The following TSKU variants were observed in gnomAD, a reference collection of about 807,000 sequenced individuals.
The protein encoded by TSKU is tsukushi, small leucine rich proteoglycan.
In TSKU, 4 loss-of-function variants were observed where a neutral mutation model predicts 11.2. That is an observed-to-expected ratio of 0.36 (90% CI 0.18 to 0.82). The LOEUF (loss-of-function observed/expected upper bound fraction) is 0.82, where lower values mean the gene tolerates loss of function less well. Among genes scored for constraint, TSKU ranks in the 40% least tolerant of loss-of-function variants. The probability of loss-of-function intolerance (pLI) is 0.50; values close to 1 mark genes in which losing one functional copy is unlikely to be tolerated. For synonymous variants in TSKU, 220 were observed against 232.2 expected (o/e 0.95, Z 0.48); for missense variants, 407 against 482.5 (o/e 0.84, Z 1.47).
In TSKU at chr11:76,794,013, C is replaced by T. The variant is rs577507131; in HGVS notation, c.-8-1596C>T. Among the ~76,000 whole-genome samples, 15 of 152,272 alleles carry T rather than the reference C, an allele frequency of 9.9e-5. No individual in the cohort carries two copies. The South Asian group carries it at 2.9e-3, about 29-fold the overall frequency. ...GGCCCATCTCCTCCCCCTCTCTCAC[C>T]TCCTTCCTGAAGTCCAGAGGGAGGG... is the stretch of plus-strand genomic sequence containing the variant. On this transcript the variant is annotated intron_variant, in intron 1 of 1. Coordinates refer to ENST00000333090, the MANE Select transcript of TSKU (RefSeq NM_015516.4).
At chr11:76,786,805 C>T (rs181647404) in intron 1 of TSKU, among the ~76,000 whole-genome samples, 114 of 152,312 alleles carry the variant, frequency 7.5e-4, no homozygotes, top group Non-Finnish European at 1.3e-3. Flanking sequence ...CTTTCCAGCT[C>T]ACCCTTCCCA....
chr11:76,782,844 A>C (rs1357066698), upstream of TSKU: 2 of 151,844 alleles, frequency 1.3e-5, no homozygotes, highest in Non-Finnish European at 2.9e-5. Context: ...GTAGTCCCTG[A>C]ACCTCTTTCA....
chr11:76,790,366 C>T (rs905214188), intron 1 of TSKU, among the ~76,000 whole-genome samples: 2 of 152,202 alleles, frequency 1.3e-5, no homozygotes, highest in Admixed American at 6.5e-5. Context: ...GTGACTGTGT[C>T]TCAGGGGGCT....
rs970965316 is a variant in TSKU, at chr11:76,797,154, A to C, written c.*476A>C. 1 of 168,758 alleles carries C rather than the reference A, an allele frequency of 5.9e-6. No individual in the cohort carries two copies. The highest frequency in any genetic ancestry group is 1.9e-4 in the East Asian group (1 of 5,238). The allele number at this position is 168,758 out of a possible 1,614,324, so 10.5% of individuals were successfully genotyped here. A position where few individuals can be genotyped will look rare whatever the true frequency, so the allele number is the denominator to read the frequency against. On this transcript the variant is annotated 3_prime_UTR_variant, in exon 2 of 2. Transcript: ENST00000333090. ...GCCATGAGGCCATGAGGCCCGCTTC[A>C]TCCTTTTCTATTTCCCTAGAACCTT...
intron 1 of TSKU, among the ~76,000 whole-genome samples, chr11:76,789,117 C>G (rs1297382804): frequency 6.6e-6 from 1 of 152,220 alleles, no homozygotes; most frequent in Non-Finnish European, 1.5e-5. Context: ...CTCTCTGGGC[C>G]CCAGTTGCCC....
upstream of TSKU, chr11:76,783,271 C>G (rs1944259598): frequency 6.7e-6 from 1 of 150,326 alleles, no homozygotes; most frequent in Non-Finnish European, 1.5e-5. Context: ...ACCCGGCGCC[C>G]GGCAGGGGGG....
rs112413166 is a variant in TSKU at position 76,796,368 on chromosome 11, G to A, written c.752G>A (p.Arg251His). Residue 251 changes from arginine to histidine, a missense_variant, in exon 2 of 2, where the codon CGT becomes CAT. Arg to His is a conservative substitution (Grantham distance 29). Transcript: ENST00000333090. The surrounding 1 kb of genome is among the most constrained non-coding windows in gnomAD (Gnocchi z 4.1). ...CCTGAGCTGGCGCCCAGTGGCTTCC[G>A]TGAGCTACCGGGCCTGCAGGTCCTG... The part of the protein sequence containing the change: ...RLPELAPSGF[R>H]ELPGLQVLDL... The A allele has an allele frequency of 6.5e-4, 1,047 of 1,613,290 alleles. 3 individuals are homozygous for A. The highest frequency in any genetic ancestry group is 1.5e-3 in the Middle Eastern group (9 of 6,062).
rs1193369783 is a variant in TSKU, at chr11:76,783,367, G to A, written c.-46G>A. On this transcript the variant is annotated 5_prime_UTR_variant, in exon 1 of 2. Transcript: ENST00000333090. Reference sequence around the variant, plus strand: ...GGAGGGCCCGCGGCCGGGCCGCCGGGGTGAGCGTGCCGAGGCGGCTGTGGC... The same window carrying A: ...GGAGGGCCCGCGGCCGGGCCGCCGGAGTGAGCGTGCCGAGGCGGCTGTGGC... 1 of 151,698 alleles carries A rather than the reference G, an allele frequency of 6.6e-6. No individual in the cohort carries two copies. The highest frequency in any genetic ancestry group is 1.5e-5 in the Non-Finnish European group (1 of 67,888). The allele number at this position is 151,698 out of a possible 1,614,324, so 9.4% of individuals were successfully genotyped here.
At chr11:76,787,888 C>G (rs1169038438) in intron 1 of TSKU, among the ~76,000 whole-genome samples, 1 of 152,176 alleles carries the variant, frequency 6.6e-6, no homozygotes, top group African/African-American at 2.4e-5. Context: ...ACATCCATTT[C>G]TGTGTCTGCA....
Position 76,796,475 on chromosome 11 carries a change from T to G in TSKU, c.859T>G (p.Ser287Ala). Residue 287 changes from serine to alanine, a missense_variant, in exon 2 of 2, where the codon TCG becomes GCG. By Grantham distance (99) the Ser-to-Ala change is moderately conservative (BLOSUM62 1). Transcript: ENST00000333090. This position sits in a 1 kb window ranked among gnomAD's most constrained non-coding sequence, Gnocchi z 4.1. ...GAGCTCCCTGCAGGAGCTGGACCTT[T>G]CGGGCACCAACCTGGTGCCCCTGCC... is the stretch of plus-strand genomic sequence containing the variant. ...GLSSLQELDL[S>A]GTNLVPLPEA... The G allele has an allele frequency of 6.2e-7, 1 of 1,613,144 alleles. No homozygotes were observed. Among genetic ancestry groups the G allele is most frequent in the Non-Finnish European group, 8.5e-7 (1 of 1,179,808 alleles).
At chr11:76,787,215 C>T (rs1268018419) in intron 1 of TSKU, among the ~76,000 whole-genome samples, 1 of 152,156 alleles carries the variant, frequency 6.6e-6, no homozygotes, top group Non-Finnish European at 1.5e-5. Flanking sequence ...GCTACAAAAC[C>T]CTTGCCCTCT....
chr11:76,782,797 T>C (rs1380322271), upstream of TSKU: 1 of 152,102 alleles, frequency 6.6e-6, no homozygotes, highest in East Asian at 1.9e-4. Context: ...TTTCAGCCAG[T>C]CTTTCTCTGC....
At chr11:76,789,601 C>T (rs994151706) in intron 1 of TSKU, among the ~76,000 whole-genome samples, 1 of 152,204 alleles carries the variant, frequency 6.6e-6, no homozygotes, top group Non-Finnish European at 1.5e-5. Context: ...ACGGTATATC[C>T]CCCAAATCAC....
chr11:76,784,668 C>T (rs557383979), intron 1 of TSKU, among the ~76,000 whole-genome samples: 93 of 150,216 alleles, frequency 6.2e-4, no homozygotes, highest in African/African-American at 1.7e-3. Flanking sequence ...GACTCAAGAC[C>T]TTCGATTCTT....
intron 1 of TSKU, among the ~76,000 whole-genome samples, chr11:76,787,291 CAAG>C (rs1187236572): frequency 2.0e-5 from 3 of 152,296 alleles, no homozygotes; most frequent in Non-Finnish European, 2.9e-5. Context: ...TGAAAATCTT[CAAG>C]AAGAAGACAT....
intron 1 of TSKU, among the ~76,000 whole-genome samples, chr11:76,784,691 T>C (rs1944290498): frequency 7.5e-6 from 1 of 134,224 alleles, no homozygotes; most frequent in East Asian, 2.6e-4. Context: ...TTCATCTTTG[T>C]GCGCCCTGCC....
intron 1 of TSKU, among the ~76,000 whole-genome samples, chr11:76,787,175 G>C (rs1047168188): frequency 2.6e-5 from 4 of 152,198 alleles, no homozygotes; most frequent in African/African-American, 9.7e-5. Flanking sequence ...AGCAGTGAAG[G>C]CCCTGTTGGG....
chr11:76,794,389 G>C (rs1944414410), intron 1 of TSKU, among the ~76,000 whole-genome samples: 1 of 152,196 alleles, frequency 6.6e-6, no homozygotes, highest in African/African-American at 2.4e-5. Flanking sequence ...ATCTGAGGAG[G>C]GACACTGGCT....
chr11:76,788,431 A>G (rs1944333177), intron 1 of TSKU, among the ~76,000 whole-genome samples: 1 of 152,082 alleles, frequency 6.6e-6, no homozygotes. Flanking sequence ...ACACCAGGGA[A>G]GTGACTGAAG....
Sources: gnomAD v4.1 joint callset for allele counts (sites outside exome capture counted in the v4.1 genomes callset) on GRCh38, gnomAD v4.1.1 for gene constraint, Gnocchi (gnomAD v3.1) non-coding constraint, MANE v1.5 for transcripts, NCBI Gene and HGNC (gene_info 2026-07-23, HGNC 2026-07-21) for gene names.